Variants in CCDC81 observed in about 807,000 individuals in gnomAD.
CCDC81 encodes coiled-coil domain containing 81.
Under a neutral mutation model 83.7 loss-of-function variants are expected in CCDC81, and 79 were observed. That is an observed-to-expected ratio of 0.94 (90% CI 0.79 to 1.14). CCDC81 has a LOEUF of 1.14. Ranked by LOEUF, CCDC81 falls within the 50% of genes most tolerant of loss-of-function variation. CCDC81 has a pLI of 0.00. For synonymous variants in CCDC81, 252 were observed against 278.1 expected (o/e 0.91, Z 0.93); for missense variants, 791 against 778.1 (o/e 1.02, Z -0.20).
chr11:86,403,048 CT>C (rs913296279), intron 7 of CCDC81, among the ~76,000 whole-genome samples: 6 of 110,720 alleles, frequency 5.4e-5, no homozygotes, highest in African/African-American at 2.1e-4. Flanking sequence ...GAGATGGGGT[CT>C]TAGTATGTTG....
In CCDC81 at chr11:86,414,896, A is replaced by C. The variant is rs747323721; in HGVS notation, c.1470+29A>C. 1.7e-5 allele frequency: 26 copies of C among 1,545,452 alleles called. 1 individual carries two copies. The African/African-American group carries it at 3.5e-4, about 21-fold the overall frequency. On this transcript the variant is annotated intron_variant, in intron 12 of 14. Coordinates refer to ENST00000445632, the MANE Select transcript of CCDC81 (RefSeq NM_001156474.2). The stretch of plus-strand genomic sequence containing the variant: ...AGGGGACAGACAAATATTATTTTTA[A>C]AATTATGCAATGCATCAATAACATC...
chr11:86,387,240 G>A (rs1198789288), intron 2 of CCDC81, among the ~76,000 whole-genome samples: 1 of 152,184 alleles, frequency 6.6e-6, no homozygotes, highest in East Asian at 1.9e-4. Context: ...ATTAAAAGAT[G>A]CTATGGCATT....
intron 4 of CCDC81, 68 bp downstream of exon 4, chr11:86,392,865 T>C (rs1443606797): frequency 4.8e-6 from 7 of 1,467,780 alleles, no homozygotes; most frequent in Non-Finnish European, 5.4e-6. Flanking sequence ...ATAGGTGTGT[T>C]GTAATTAAGA....
At chr11:86,393,452 T>C (rs528233541) in intron 4 of CCDC81, among the ~76,000 whole-genome samples, 7 of 152,258 alleles carry the variant, frequency 4.6e-5, no homozygotes, top group African/African-American at 9.6e-5. Flanking sequence ...AATTTTACAA[T>C]TGAGAAAAGT....
intron 1 of CCDC81, among the ~76,000 whole-genome samples, chr11:86,381,009 G>T (rs1269656681): frequency 6.6e-6 from 1 of 152,132 alleles, no homozygotes; most frequent in African/African-American, 2.4e-5. Flanking sequence ...ATAGCTGGAA[G>T]TGATGTACTG....
chr11:86,407,813 C>T (rs1948583068), intron 8 of CCDC81, 112 bp downstream of exon 8: 3 of 783,846 alleles, frequency 3.8e-6, no homozygotes, highest in South Asian at 1.7e-5. Context: ...GGCTCAAGTA[C>T]TCAAGTACTC....
At chr11:86,381,838 G>T (rs1222048605) in intron 1 of CCDC81, among the ~76,000 whole-genome samples, 1 of 152,178 alleles carries the variant, frequency 6.6e-6, no homozygotes, top group East Asian at 1.9e-4. Flanking sequence ...GCCAAGAATG[G>T]CTAAAGAAGG....
chr11:86,395,480 G>A (rs1358534456), intron 5 of CCDC81, 67 bp downstream of exon 5: 1 of 1,234,584 alleles, frequency 8.1e-7, no homozygotes, highest in Non-Finnish European at 1.2e-6. Flanking sequence ...GATCTCATTG[G>A]GCAGTGTTTC....
intron 10 of CCDC81, among the ~76,000 whole-genome samples, chr11:86,411,286 G>A (rs758461385): frequency 1.6e-4 from 24 of 151,870 alleles, no homozygotes; most frequent in Non-Finnish European, 2.8e-4. Context: ...GTGTCTTTGC[G>A]CTTAATGTTC....
At chr11:86,399,970 A>C (rs1039982529) in intron 6 of CCDC81, among the ~76,000 whole-genome samples, 5 of 147,662 alleles carry the variant, frequency 3.4e-5, no homozygotes, top group Middle Eastern at 3.5e-3. Context: ...TACTACTACA[A>C]AAAAAAAAAA....
At chr11:86,413,750 A>G (rs1325215235) in intron 11 of CCDC81, among the ~76,000 whole-genome samples, 1 of 152,192 alleles carries the variant, frequency 6.6e-6, no homozygotes, top group Non-Finnish European at 1.5e-5. Context: ...CTGAGGTTTT[A>G]TTATAATTAT....
chr11:86,414,482 T>C, intron 11 of CCDC81: 1 of 206,828 alleles, frequency 4.8e-6, no homozygotes, highest in Non-Finnish European at 9.7e-6. Flanking sequence ...AATTCTTGTA[T>C]TTTTAGTAGA....
Position 86,420,064 on chromosome 11 carries a change from A to T in CCDC81, c.1817+11A>T, listed in dbSNP as rs766945205. ...CAAGGCTTTTGAACGGTAATGCCTG[A>T]TTGGAACCCCAAAATTCTCCTGCTC... is the stretch of plus-strand genomic sequence containing the variant. On this transcript the variant is annotated intron_variant, in intron 14 of 14. Transcript: ENST00000445632. 6.2e-7 allele frequency: 1 copy of T among 1,607,094 alleles called. No individual in the cohort carries two copies. Among genetic ancestry groups the T allele is most frequent in the Non-Finnish European group, 8.5e-7 (1 of 1,177,912 alleles).
intron 1 of CCDC81, among the ~76,000 whole-genome samples, chr11:86,375,529 C>T (rs564371286): frequency 2.0e-5 from 3 of 152,260 alleles, no homozygotes; most frequent in African/African-American, 7.2e-5. Flanking sequence ...AACAGCCACT[C>T]CCACACCACT....
intron 9 of CCDC81, among the ~76,000 whole-genome samples, chr11:86,408,959 G>C (rs1948600005): frequency 6.6e-6 from 1 of 152,164 alleles, no homozygotes; most frequent in African/African-American, 2.4e-5. Flanking sequence ...GCTGTATCCA[G>C]ATTTATGTGG....
At position 86,397,732 on chromosome 11, in the gene CCDC81, A is replaced by G; in HGVS notation, c.747A>G (p.Glu249=). ...TAAAAGACCAGTCAGACAAAGAAGAAGGCACCAGAGGTAGGCCAATGATTT... is the reference window on the plus strand; with the variant it reads ...TAAAAGACCAGTCAGACAAAGAAGAGGGCACCAGAGGTAGGCCAATGATTT... ...CKLKDQSDKE[E]GTRDISSPKR... The change falls in exon 6 of 15, where the codon GAA becomes GAG. Residue 249 remains glutamate, a synonymous_variant. Coordinates refer to ENST00000445632, the MANE Select transcript of CCDC81 (RefSeq NM_001156474.2). The G allele has an allele frequency of 6.2e-7, 1 of 1,613,016 alleles. No homozygotes were observed.
intron 1 of CCDC81, among the ~76,000 whole-genome samples, chr11:86,382,089 C>T (rs909825758): frequency 6.6e-6 from 1 of 152,102 alleles, no homozygotes; most frequent in Non-Finnish European, 1.5e-5. Context: ...TCAAGTAATA[C>T]AGGGCCTTGT....
intron 10 of CCDC81, among the ~76,000 whole-genome samples, chr11:86,410,437 G>T (rs911013064): frequency 6.6e-6 from 1 of 152,096 alleles, no homozygotes; most frequent in Admixed American, 6.6e-5. Context: ...CTGAAAAAAG[G>T]GCACTATATG....
chr11:86,395,220 A>G (rs899480949), intron 4 of CCDC81, 114 bp from the exon 5 acceptor site: 3 of 743,036 alleles, frequency 4.0e-6, no homozygotes, highest in Non-Finnish European at 6.7e-6. Context: ...CGCTTAACAT[A>G]AACAACAACA....
Sources: gnomAD v4.1 joint callset for allele counts (sites outside exome capture counted in the v4.1 genomes callset) on GRCh38, gnomAD v4.1.1 for gene constraint, MANE v1.5 for transcripts, NCBI Gene and HGNC (gene_info 2026-07-23, HGNC 2026-07-21) for gene names.